Variants in LRMDA observed in about 807,000 individuals in gnomAD.
LRMDA encodes leucine-rich melanocyte differentiation-associated protein.
In LRMDA, 18 loss-of-function variants were observed where a neutral mutation model predicts 29.8. The observed-to-expected ratio is 0.60, with a 90% confidence interval of 0.42 to 0.90. The LOEUF (loss-of-function observed/expected upper bound fraction) is 0.90, where lower values mean the gene tolerates loss of function less well. Among genes scored for constraint, LRMDA ranks in the 40% least tolerant of loss-of-function variants. The pLI is 0.00. For missense variants in LRMDA, 273 were observed against 273.9 expected, an observed-to-expected ratio of 1.00 and a Z score of 0.02; for synonymous variants, 125 against 109.4, an observed-to-expected ratio of 1.14 and a Z score of -0.89.
intron 5 of LRMDA, among the ~76,000 whole-genome samples, chr10:76,080,707 A>T (rs935649107): frequency 1.3e-5 from 2 of 152,204 alleles, no homozygotes; most frequent in African/African-American, 2.4e-5. Flanking sequence ...GTAACATTCA[A>T]AAGGCTTTAT....
intron 2 of LRMDA, among the ~76,000 whole-genome samples, chr10:76,003,946 A>G (rs1162603934): frequency 6.6e-6 from 1 of 152,212 alleles, no homozygotes; most frequent in Non-Finnish European, 1.5e-5. Flanking sequence ...AGAGTTCTCT[A>G]GCCCAGGTGG....
chr10:75,571,941 A>G (rs1029237524), intron 2 of LRMDA, among the ~76,000 whole-genome samples: 1 of 152,046 alleles, frequency 6.6e-6, no homozygotes, highest in Non-Finnish European at 1.5e-5. Flanking sequence ...AACTCTTAAC[A>G]TTCCCACTGT....
chr10:76,184,131 A>G (rs61351739), intron 5 of LRMDA, among the ~76,000 whole-genome samples: 5,164 of 152,106 alleles, frequency 0.034, 298 homozygotes, highest in African/African-American at 0.11. Context: ...CCTGGGTTCA[A>G]GTGATTCTCC....
At chr10:76,018,604 T>A (rs1185681218) in intron 2 of LRMDA, among the ~76,000 whole-genome samples, 1 of 148,476 alleles carries the variant, frequency 6.7e-6, no homozygotes, top group African/African-American at 2.5e-5. Context: ...AGTCTCACTC[T>A]GTCACCAGGC....
At chr10:75,684,416 G>A (rs1842059202) in intron 2 of LRMDA, among the ~76,000 whole-genome samples, 1 of 152,168 alleles carries the variant, frequency 6.6e-6, no homozygotes, top group African/African-American at 2.4e-5. Flanking sequence ...CCATTTCAGA[G>A]TAGACCCTGC....
At chr10:75,533,768 C>T (rs963349012) in intron 2 of LRMDA, among the ~76,000 whole-genome samples, 1 of 152,058 alleles carries the variant, frequency 6.6e-6, no homozygotes, top group African/African-American at 2.4e-5. Flanking sequence ...TGGGCCCACT[C>T]AGAGGATGAG....
intron 2 of LRMDA, among the ~76,000 whole-genome samples, chr10:75,816,509 G>A (rs1844063342): frequency 6.6e-6 from 1 of 152,176 alleles, no homozygotes; most frequent in South Asian, 2.1e-4. Flanking sequence ...GCTTCCAAAA[G>A]AAGATGAGGG....
chr10:76,470,079 C>T lies in LRMDA; in HGVS notation c.602-87130C>T, dbSNP rs117118637. Among the ~76,000 whole-genome samples, 1,048 of 152,190 alleles carry T rather than the reference C, an allele frequency of 6.9e-3. 6 individuals carry two copies. The highest frequency in any genetic ancestry group is 0.011 in the Non-Finnish European group (735 of 67,994). On this transcript the variant is annotated intron_variant, in intron 6 of 6. Coordinates refer to ENST00000611255, the MANE Select transcript of LRMDA (RefSeq NM_001305581.2). ...AATAAAAAAACTATCAAGCAACAAT[C>T]TTATATCCAGCAAAACTCTCTTTCA...
rs1291622223 is a variant in LRMDA, at chr10:76,239,930, G to A, written c.517-84471G>A. On this transcript the variant is annotated intron_variant, in intron 5 of 6. Transcript: ENST00000611255. ...TTATGTATATATACTTATATATAAT[G>A]TATATATACATACACAAGCATATGT... 5.3e-5 allele frequency among the ~76,000 whole-genome samples: 8 copies of A among 151,580 alleles called. No homozygotes were observed. The South Asian group carries it at 1.7e-3, about 31-fold the overall frequency.
chr10:76,047,352 C>T, intron 4 of LRMDA, 49 bp downstream of exon 4: 2 of 1,538,140 alleles, frequency 1.3e-6, no homozygotes, highest in Non-Finnish European at 1.8e-6. Context: ...AAAAGAGAAA[C>T]TTTAGGGGAT....
rs538762855 is a variant in LRMDA, at chr10:75,813,547, G to A, written c.132-222461G>A. On this transcript the variant is annotated intron_variant, in intron 2 of 6. Coordinates refer to ENST00000611255, the MANE Select transcript of LRMDA (RefSeq NM_001305581.2). ...ACTTAGGTCTCCTTTCATTTTTTCCGAAAGAGTTTGGGTTTATATCTGGAG... is the reference window on the plus strand; with the variant it reads ...ACTTAGGTCTCCTTTCATTTTTTCCAAAAGAGTTTGGGTTTATATCTGGAG... 1.9e-3 allele frequency among the ~76,000 whole-genome samples: 288 copies of A among 152,238 alleles called. 2 individuals carry two copies. Among genetic ancestry groups the A allele is most frequent in the South Asian group, 2.7e-3 (13 of 4,824 alleles).
intron 2 of LRMDA, among the ~76,000 whole-genome samples, chr10:75,455,150 T>C (rs1844500907): frequency 6.6e-6 from 1 of 152,160 alleles, no homozygotes; most frequent in South Asian, 2.1e-4. Flanking sequence ...TCATGGCTTG[T>C]ACAGGCATGG....
intron 5 of LRMDA, among the ~76,000 whole-genome samples, chr10:76,198,956 A>G (rs112564031): frequency 2.8e-4 from 43 of 152,300 alleles, no homozygotes; most frequent in African/African-American, 9.9e-4. Context: ...TCTTACATTC[A>G]TCTCTGTATT....
intron 5 of LRMDA, among the ~76,000 whole-genome samples, chr10:76,228,872 T>G (rs1852009152): frequency 6.6e-6 from 1 of 152,234 alleles, no homozygotes; most frequent in African/African-American, 2.4e-5. Context: ...GCACTTGAGT[T>G]TTGGGCAAGG....
intron 6 of LRMDA, among the ~76,000 whole-genome samples, chr10:76,417,828 A>G (rs1230367812): frequency 3.3e-5 from 5 of 152,202 alleles, no homozygotes; most frequent in Admixed American, 6.5e-5. Flanking sequence ...TTACATTCAC[A>G]TTTAGAACTA....
At chr10:75,949,906 C>T (rs1399049919) in intron 2 of LRMDA, among the ~76,000 whole-genome samples, 3 of 152,154 alleles carry the variant, frequency 2.0e-5, no homozygotes, top group Non-Finnish European at 2.9e-5. Context: ...TGGATACTAC[C>T]AAGGCTGCCA....
chr10:76,066,815 A>G (rs1848792913), intron 5 of LRMDA, among the ~76,000 whole-genome samples: 1 of 152,200 alleles, frequency 6.6e-6, no homozygotes, highest in Admixed American at 6.5e-5. Context: ...GAGGGTGAGG[A>G]GGAACCTTGG....
chr10:75,471,303 C>CT (rs71024546), intron 2 of LRMDA, among the ~76,000 whole-genome samples: 75 of 146,572 alleles, frequency 5.1e-4, no homozygotes, highest in Middle Eastern at 3.6e-3. Flanking sequence ...AAAAGCTTAC[C>CT]TTTTTTTTTT....
intron 6 of LRMDA, among the ~76,000 whole-genome samples, chr10:76,372,070 A>G (rs1203613813): frequency 1.3e-5 from 2 of 152,162 alleles, no homozygotes. Context: ...ATGTCCCCAA[A>G]TTGAATCTGT....
Sources: allele counts gnomAD v4.1 joint callset (sites outside exome capture counted in the v4.1 genomes callset), GRCh38; gene constraint gnomAD v4.1.1; transcripts MANE v1.5; gene names NCBI Gene and HGNC (gene_info 2026-07-23, HGNC 2026-07-21).